The following FLNA variants were observed in gnomAD, a reference collection of about 807,000 sequenced individuals.
The protein encoded by FLNA is filamin A, also known as filamin-A.
In FLNA, 7 loss-of-function variants were observed where a neutral mutation model predicts 157.6. The observed-to-expected ratio is 0.04, with a 90% CI of 0.03 to 0.08. FLNA has a LOEUF of 0.08. FLNA is among the 10% of genes least tolerant of loss of function. The probability of loss-of-function intolerance (pLI) is 1.00; values close to 1 mark genes in which losing one functional copy is unlikely to be tolerated. For missense variants in FLNA, 1,750 were observed against 2,398.4 expected, an observed-to-expected ratio of 0.73 and a Z score of 5.65; for synonymous variants, 1,103 against 1,060.8, an observed-to-expected ratio of 1.04 and a Z score of -0.77.
In FLNA at chrX:154,362,228, G is replaced by A. The variant is rs369957061; in HGVS notation, c.2656+14C>T. The A allele has an allele frequency of 3.3e-6, 4 of 1,208,218 alleles. No homozygotes were observed. The highest frequency in any genetic ancestry group is 2.2e-5 in the Admixed American group (1 of 45,920). ...TTGATGCCCCGCAACCTGCCATGGG[G>A]TACCTGTCCTCACCAGTGCGACTGA... On this transcript the variant is annotated intron_variant, in intron 18 of 47. Transcript: ENST00000369850.
At position 154,350,038 on chromosome X, in the gene FLNA, A is replaced by G. The variant is rs1026564714; in HGVS notation, c.7326T>C (p.Gly2442=). The change falls in exon 45 of 48, where the codon GGT becomes GGC. Residue 2442 remains glycine, a synonymous_variant. Coordinates refer to ENST00000369850, the MANE Select transcript of FLNA (RefSeq NM_001110556.2). Reference sequence around the variant, plus strand: ...CCGCACCGACAGACTTACCTGTGACACCGCCTTCCAGACCTGCTCCGTAAG... The same window carrying G: ...CCGCACCGACAGACTTACCTGTGACGCCGCCTTCCAGACCTGCTCCGTAAG... ...VSAYGAGLEG[G]VTGNPAEFVV... 2 of 1,211,200 alleles carry G rather than the reference A, an allele frequency of 1.7e-6. No homozygotes were observed. The highest frequency in any genetic ancestry group is 2.2e-6 in the Non-Finnish European group (2 of 895,238).
At position 154,371,150 on chromosome X, in the gene FLNA, C is replaced by T. The variant is rs2067803249; in HGVS notation, c.96G>A (p.Glu32=). 8.3e-7 allele frequency: 1 copy of T among 1,199,496 alleles called. No homozygotes were observed. The highest frequency in any genetic ancestry group is 1.1e-6 in the Non-Finnish European group (1 of 890,262). ...DTRDAEMPAT[E]KDLAEDAPWK... is the part of the protein sequence containing the mutation. The stretch of plus-strand genomic sequence containing the variant: ...ACGGCGCGTCCTCCGCCAGGTCCTT[C>T]TCGGTGGCCGGCATCTCGGCGTCCC... The change falls in exon 2 of 48, where the codon GAG becomes GAA. Residue 32 remains glutamate (E), a synonymous_variant. Coordinates refer to ENST00000369850, the MANE Select transcript of FLNA (RefSeq NM_001110556.2).
At chrX:154,369,705 C>T (rs1369960396) in intron 2 of FLNA, among the ~76,000 whole-genome samples, 1 of 112,042 alleles carries the variant, frequency 8.9e-6, no homozygotes, top group Non-Finnish European at 1.9e-5. Flanking sequence ...TCCCCACATC[C>T]GGTCGCCCCC....
chrX:154,357,524 G>T lies in FLNA; in HGVS notation c.4855C>A (p.Leu1619Ile). 1 of 1,211,535 alleles carries T rather than the reference G, an allele frequency of 8.3e-7. No homozygotes were observed. Among genetic ancestry groups the T allele is most frequent in the South Asian group, 1.8e-5 (1 of 57,049 alleles). The change falls in exon 29 of 48, where the codon CTC becomes ATC. Residue 1619 changes from leucine (L) to isoleucine (I), a missense_variant. By Grantham distance (5) the Leu-to-Ile change is conservative. Transcript: ENST00000369850. ...ATCTCGTCACCACCGTACTTGATGA[G>T]GATGGTGTAGCGACCTGTCACGTCT... ...VPDVTGRYTI[L>I]IKYGGDEIPF...
Position 154,366,866 on chromosome X carries a change from G to A in FLNA, c.869-16C>T, listed in dbSNP as rs781986938. Reference sequence around the variant, plus strand: ...GGCTCGATGCCTGGCAGGGGAAGGCGAGCCAACCACGGGCCAGCTGTTAAG... The same window carrying A: ...GGCTCGATGCCTGGCAGGGGAAGGCAAGCCAACCACGGGCCAGCTGTTAAG... On this transcript the variant is annotated splice_polypyrimidine_tract_variant and intron_variant, in intron 5 of 47. Coordinates refer to ENST00000369850, the MANE Select transcript of FLNA (RefSeq NM_001110556.2). The A allele has an allele frequency of 8.6e-6, 10 of 1,163,708 alleles. No homozygotes were observed. Among genetic ancestry groups the A allele is most frequent in the African/African-American group, 5.3e-5 (3 of 56,476 alleles).
intron 44 of FLNA, 28 bp downstream of exon 44, chrX:154,350,881 G>A: frequency 8.3e-7 from 1 of 1,206,228 alleles, no homozygotes; most frequent in Non-Finnish European, 1.1e-6. Context: ...CAGCAGGGCA[G>A]GGCGGCCGGG....
At position 154,362,529 on chromosome X, in the gene FLNA, G is replaced by A. The variant is rs374672498; in HGVS notation, c.2454C>T (p.Ala818=). 3.4e-5 allele frequency: 41 copies of A among 1,210,066 alleles called. No individual in the cohort carries two copies. The highest frequency in any genetic ancestry group is 3.3e-4 in the African/African-American group (19 of 57,456). The part of the protein sequence containing the change: ...IKCAPGVVGP[A]EADIDFDIIR... ...TGATGTCGAAGTCGATGTCAGCTTC[G>A]GCGGGGCCTACCACTCCAGGGGCAC... is the stretch of plus-strand genomic sequence containing the variant. Residue 818 remains alanine (A), a synonymous_variant, in exon 17 of 48, where the codon GCC becomes GCT. Coordinates refer to ENST00000369850, the MANE Select transcript of FLNA (RefSeq NM_001110556.2).
rs2148109695 is a variant in FLNA at position 154,357,524 on chromosome X, G to A, written c.4855C>T (p.Leu1619Phe). The A allele has an allele frequency of 1.7e-6, 2 of 1,211,536 alleles. No individual in the cohort carries two copies. The highest frequency in any genetic ancestry group is 1.1e-6 in the Non-Finnish European group (1 of 894,858). The change falls in exon 29 of 48, where the codon CTC becomes TTC. Residue 1619 changes from leucine (L) to phenylalanine (F), a missense_variant. This residue lies in a region of FLNA where 970 missense variants were observed against 1,302.6 expected (regional missense o/e 0.74). Coordinates refer to ENST00000369850, the MANE Select transcript of FLNA (RefSeq NM_001110556.2). ...VPDVTGRYTI[L>F]IKYGGDEIPF... ...ATCTCGTCACCACCGTACTTGATGA[G>A]GATGGTGTAGCGACCTGTCACGTCT...
chrX:154,360,427 G>C lies in FLNA; in HGVS notation c.3368C>G (p.Ser1123Cys), dbSNP rs782361719. The C allele has an allele frequency of 1.8e-5, 22 of 1,210,452 alleles. No individual in the cohort carries two copies. Among genetic ancestry groups the C allele is most frequent in the Non-Finnish European group, 2.5e-5 (22 of 895,339 alleles). Residue 1123 changes from serine to cysteine, a missense_variant, in exon 22 of 48, where the codon TCC becomes TGC. Coordinates refer to ENST00000369850, the MANE Select transcript of FLNA (RefSeq NM_001110556.2). ...GGGCTCGGTGGGCACGTAGGACACGGAACATGTGCCATCCCCATTGTCCAA... is the reference window on the plus strand; with the variant it reads ...GGGCTCGGTGGGCACGTAGGACACGCAACATGTGCCATCCCCATTGTCCAA... ...ECLDNGDGTC[S>C]VSYVPTEPGD... is the part of the protein sequence containing the mutation.
chrX:154,349,078 T>G (rs782119163), intron 47 of FLNA, 42 bp from the exon 48 acceptor site: 2 of 1,133,779 alleles, frequency 1.8e-6, no homozygotes, highest in African/African-American at 3.6e-5. Flanking sequence ...CCAGCCCCCT[T>G]CCTCCCGCTG....
chrX:154,364,826 G>A lies in FLNA; in HGVS notation c.1823C>T (p.Thr608Met), dbSNP rs1603362434. 8 of 1,209,347 alleles carry A rather than the reference G, an allele frequency of 6.6e-6. No homozygotes were observed. The highest frequency in any genetic ancestry group is 2.2e-5 in the Admixed American group (1 of 45,809). The change falls in exon 12 of 48, where the codon ACG (threonine) becomes ATG (methionine). Residue 608 changes from threonine to methionine, a missense_variant. By Grantham distance (81) the Thr-to-Met change is moderately conservative (BLOSUM62 -1). Around this residue, in one of 5 missense-constraint regions of FLNA, gnomAD observed 648 missense variants for 805.8 expected, o/e 0.80. Transcript: ENST00000369850. ...TGCTGCAGCCTCCAACTTACCCAGC[G>A]TGCCCACGTCGTCCCCGATAGCCTC... ...VVEAIGDDVG[T>M]LGFSVEGPSQ...
Position 154,366,231 on chromosome X carries a change from C to T in FLNA, c.1229-7G>A, listed in dbSNP as rs782221228. 7.4e-6 allele frequency: 9 copies of T among 1,211,109 alleles called. No individual in the cohort carries two copies. The highest frequency in any genetic ancestry group is 3.5e-5 in the South Asian group (2 of 56,994). The stretch of plus-strand genomic sequence containing the variant: ...ACCTCGCCCGTGCCAGCTCCTGCCA[C>T]GAGGCACCTGCTCAGCTCCCAGGCC... On this transcript the variant is annotated splice_polypyrimidine_tract_variant and splice_region_variant and intron_variant, in intron 8 of 47. Transcript: ENST00000369850.
intron 44 of FLNA, 146 bp downstream of exon 44, chrX:154,350,763 A>C: frequency 6.5e-6 from 4 of 618,087 alleles, no homozygotes; most frequent in Non-Finnish European, 8.0e-6. Context: ...GGCTTGGGTC[A>C]CCAATTGGGA....
At position 154,366,360 on chromosome X, in the gene FLNA, C is replaced by T. The variant is rs201173693; in HGVS notation, c.1176G>A (p.Glu392=). 6.9e-3 allele frequency: 8,336 copies of T among 1,211,157 alleles called. 31 individuals are homozygous for T. The highest frequency in any genetic ancestry group is 8.5e-3 in the Non-Finnish European group (7,572 of 895,421). Reference sequence around the variant, plus strand: ...TCTTGTTGGCGATGTTGCCACTGGGCTCCAGGCCGGGACCTTGGGCTGTCA... The same window carrying T: ...TCTTGTTGGCGATGTTGCCACTGGGTTCCAGGCCGGGACCTTGGGCTGTCA... ...SKVTAQGPGL[E]PSGNIANKTT... is the part of the protein sequence containing the mutation. Residue 392 remains glutamate, a synonymous_variant, in exon 8 of 48, where the codon GAG becomes GAA. Transcript: ENST00000369850.
Position 154,352,693 on chromosome X carries a change from G to C in FLNA, c.6380-18C>G. ...GGGGCTGCCTGCAGGAAGAAAGCACGGCCCACGCCCCTCCAGTCACATACT... is the reference window on the plus strand; with the variant it reads ...GGGGCTGCCTGCAGGAAGAAAGCACCGCCCACGCCCCTCCAGTCACATACT... On this transcript the variant is annotated intron_variant, in intron 39 of 47. Coordinates refer to ENST00000369850, the MANE Select transcript of FLNA (RefSeq NM_001110556.2). 7.4e-6 allele frequency: 9 copies of C among 1,211,802 alleles called. No individual in the cohort carries two copies. The highest frequency in any genetic ancestry group is 1.0e-5 in the Non-Finnish European group (9 of 895,557).
At chrX:154,371,977 C>T (rs1557180438) in intron 1 of FLNA, among the ~76,000 whole-genome samples, 4 of 113,958 alleles carry the variant, frequency 3.5e-5, no homozygotes, top group Non-Finnish European at 7.5e-5. Context: ...GCAAGGCCTG[C>T]GCCTACGCGG....
Position 154,365,557 on chromosome X carries a change from C to T in FLNA, c.1430-71G>A, listed in dbSNP as rs1008163515. 9.4e-5 allele frequency: 108 copies of T among 1,146,641 alleles called. No homozygotes were observed. The East Asian group carries it at 1.1e-3, about 11-fold the overall frequency. The allele number at this position is 1,146,641 out of a possible 1,213,427, so 94.5% of individuals were successfully genotyped here. ...ACCCCTCCCTTGCCTCCCACAGGGC[C>T]GGGCTGTCAGGATTGGTGGGTCCCT... On this transcript the variant is annotated intron_variant, in intron 9 of 47. Coordinates refer to ENST00000369850, the MANE Select transcript of FLNA (RefSeq NM_001110556.2).
At chrX:154,349,084 C>A in intron 47 of FLNA, 48 bp from the exon 48 acceptor site, 3 of 1,110,731 alleles carry the variant, frequency 2.7e-6, no homozygotes, top group Non-Finnish European at 3.7e-6. Flanking sequence ...CCCTTCCTCC[C>A]GCTGGTGTCC....
chrX:154,354,482 G>A lies in FLNA; in HGVS notation c.5315C>T (p.Ala1772Val). The A allele has an allele frequency of 8.3e-7, 1 of 1,208,566 alleles. No individual in the cohort carries two copies. The change falls in exon 33 of 48, where the codon GCC becomes GTC. Residue 1772 changes from alanine (A) to valine (V), a missense_variant and splice_region_variant. Physicochemically the swap from Ala to Val is moderately conservative, Grantham distance 64. Transcript: ENST00000369850. ...TYAQGGQQTW[A>V]PERPLVGVNG... Reference sequence around the variant, plus strand: ...GACACCCACCAGGGGCCTCTCCGGGGCCTGCAGTGGAGACACAGGGCATGG... The same window carrying A: ...GACACCCACCAGGGGCCTCTCCGGGACCTGCAGTGGAGACACAGGGCATGG...
Sources: allele counts gnomAD v4.1 joint callset (sites outside exome capture counted in the v4.1 genomes callset), GRCh38; gene constraint gnomAD v4.1.1; regional missense constraint gnomAD v4.1.1; transcripts MANE v1.5; gene names NCBI Gene and HGNC (gene_info 2026-07-23, HGNC 2026-07-21).